ERICH1: variants seen among roughly 807,000 people sequenced by gnomAD.
The protein encoded by ERICH1 is glutamate-rich protein 1.
Under a neutral mutation model 39.6 loss-of-function variants are expected in ERICH1, and 56 were observed. That is an observed-to-expected ratio of 1.41 (90% CI 1.14 to 1.77). ERICH1 has a LOEUF of 1.77. ERICH1 is among the 40% of genes most tolerant of loss of function. ERICH1 has a pLI of 0.00. For missense variants in ERICH1, 826 were observed against 575.4 expected (o/e 1.44, Z -4.45); for synonymous variants, 313 against 223.6 (o/e 1.40, Z -3.57).
chr8:688,278 C>CCCGCCCCTCCCCGGCCCTTCCG (rs1808015010), intron 3 of ERICH1, among the ~76,000 whole-genome samples: 1 of 131,150 alleles, frequency 7.6e-6, no homozygotes, highest in African/African-American at 3.2e-5. Flanking sequence ...TCCGCCCGTC[C>CCCGCCCCTCCCCGGCCCTTCCG]CCGCCCCGCC....
At chr8:655,764 C>A (rs117492005) in intron 3 of ERICH1, among the ~76,000 whole-genome samples, 2 of 143,668 alleles carry the variant, frequency 1.4e-5, no homozygotes, top group Non-Finnish European at 3.1e-5. Flanking sequence ...CAGTCACACA[C>A]GGTAGACAGT....
At chr8:627,377 C>A in intron 3 of ERICH1, 1 of 364,664 alleles carries the variant, frequency 2.7e-6, no homozygotes, top group Non-Finnish European at 5.5e-6. Flanking sequence ...CTGCACCTCA[C>A]TGAGAGCCTC....
chr8:652,219 C>T (rs114408804), intron 3 of ERICH1, among the ~76,000 whole-genome samples: 1,584 of 152,362 alleles, frequency 0.01, 23 homozygotes, highest in African/African-American at 0.036. Context: ...GAAGACCTTA[C>T]TTCCGGTGGC....
rs185391998 is a variant in ERICH1 at position 645,478 on chromosome 8, C to T, written c.976+23120G>A. 5.1e-5 allele frequency among the ~76,000 whole-genome samples: 3 copies of T among 58,516 alleles called. 1 individual carries two copies. The East Asian group carries it at 1.1e-3, about 21-fold the overall frequency. 38.4% of individuals were successfully genotyped at this position (58,516 alleles called of 152,430 possible). The stretch of plus-strand genomic sequence containing the variant: ...AAGGTAAATCTCTTGAACTTTATGG[C>T]AGACAGTCGTGTTTTCCTTACTGTC... On this transcript the variant is annotated intron_variant, in intron 3 of 3. Transcript: ENST00000522706.
intron 3 of ERICH1, among the ~76,000 whole-genome samples, chr8:630,129 A>G (rs962266932): frequency 8.6e-5 from 9 of 104,894 alleles, no homozygotes; most frequent in East Asian, 4.7e-4. Flanking sequence ...ACCCACACAG[A>G]CAGAGCTGAC....
intron 3 of ERICH1, among the ~76,000 whole-genome samples, chr8:620,425 G>C (rs1180236703): frequency 1.3e-5 from 2 of 152,104 alleles, no homozygotes; most frequent in African/African-American, 2.4e-5. Context: ...TCAATCAAAA[G>C]GCAGAGATCA....
downstream of ERICH1, among the ~76,000 whole-genome samples, chr8:660,511 C>A (rs1212247686): frequency 6.6e-6 from 1 of 152,234 alleles, no homozygotes; most frequent in Non-Finnish European, 1.5e-5. Context: ...ACACGAACAG[C>A]ATTCTGCTGG....
chr8:717,822 A>G (rs1816369999), intron 1 of ERICH1, among the ~76,000 whole-genome samples: 1 of 152,268 alleles, frequency 6.6e-6, no homozygotes, highest in South Asian at 2.1e-4. Context: ...GGCCATGGTC[A>G]GAGCCAGGCA....
At chr8:637,902 G>C (rs891528975) in intron 3 of ERICH1, among the ~76,000 whole-genome samples, 1 of 152,256 alleles carries the variant, frequency 6.6e-6, no homozygotes, top group Admixed American at 6.5e-5. Flanking sequence ...GGCCACTGCA[G>C]GCAGCCGAAC....
chr8:650,222 G>T (rs947522142), intron 3 of ERICH1, among the ~76,000 whole-genome samples: 2 of 152,196 alleles, frequency 1.3e-5, no homozygotes, highest in African/African-American at 4.8e-5. Context: ...CCGTGCTGGC[G>T]ATGAGGACGC....
In ERICH1 at chr8:668,931, A is replaced by G. The variant is rs1274113865; in HGVS notation, c.1064-139T>C. ...CATATCTGGGAGATGAGAAGCTACC[A>G]GAAGAGAGAATCAGAACAGAGCTCA... On this transcript the variant is annotated intron_variant, in intron 4 of 5. Coordinates refer to ENST00000262109, the MANE Select transcript of ERICH1 (RefSeq NM_207332.3). 5 of 763,244 alleles carry G rather than the reference A, an allele frequency of 6.6e-6. No homozygotes were observed. The East Asian group carries it at 8.1e-5, about 12-fold the overall frequency. The allele number at this position is 763,244 out of a possible 1,614,324, so 47.3% of individuals were successfully genotyped here. A position where few individuals can be genotyped will look rare whatever the true frequency, so the allele number is the denominator to read the frequency against.
At chr8:634,146 T>C (rs1798231188) in intron 3 of ERICH1, among the ~76,000 whole-genome samples, 1 of 89,780 alleles carries the variant, frequency 1.1e-5, no homozygotes, top group Non-Finnish European at 2.1e-5. Flanking sequence ...AAAACCAGAA[T>C]CTATAGAGAA....
At position 710,830 on chromosome 8, in the gene ERICH1, A is replaced by G. The variant is rs971234380; in HGVS notation, c.169+5031T>C. Among the ~76,000 whole-genome samples, 25 of 152,244 alleles carry G rather than the reference A, an allele frequency of 1.6e-4. 1 individual carries two copies. The highest frequency in any genetic ancestry group is 1.6e-3 in the Admixed American group (25 of 15,286). On this transcript the variant is annotated intron_variant, in intron 2 of 5. Transcript: ENST00000262109. ...TTCGGCAGTTATGAATAAAGCTGCT[A>G]TAAACATCCATGTGCAGGTTTATTG...
intron 3 of ERICH1, among the ~76,000 whole-genome samples, chr8:623,410 A>G (rs1163382938): frequency 2.6e-5 from 4 of 152,246 alleles, no homozygotes; most frequent in African/African-American, 9.6e-5. Flanking sequence ...GCTTATGTTT[A>G]TGGTCAATTG....
intron 2 of ERICH1, among the ~76,000 whole-genome samples, chr8:708,683 T>TTTTTTTTTGTG (rs1813934741): frequency 1.4e-4 from 6 of 42,462 alleles, no homozygotes; most frequent in Non-Finnish European, 2.6e-4. Flanking sequence ...GATAATGAGT[T>TTTTTTTTTGTG]TTTTTTTTTT....
intron 3 of ERICH1, chr8:625,915 C>G (rs336429): frequency 6.6e-6 from 1 of 152,244 alleles, no homozygotes; most frequent in African/African-American, 2.4e-5. Flanking sequence ...ATTTAATAAA[C>G]TGGTCCAGAT....
At chr8:619,552 C>T (rs1016517199) in intron 3 of ERICH1, among the ~76,000 whole-genome samples, 10 of 151,958 alleles carry the variant, frequency 6.6e-5, no homozygotes, top group African/African-American at 1.5e-4. Flanking sequence ...CAGTATCCAC[C>T]GGGGGAAGAA....
intron 3 of ERICH1, among the ~76,000 whole-genome samples, chr8:651,483 T>G (rs561025164): frequency 6.6e-5 from 10 of 152,266 alleles, no homozygotes; most frequent in Admixed American, 3.9e-4. Flanking sequence ...CCCTTGGCAA[T>G]GGGGCAGGTG....
intron 2 of ERICH1, among the ~76,000 whole-genome samples, chr8:713,968 G>A (rs1815356986): frequency 6.8e-6 from 1 of 145,996 alleles, no homozygotes; most frequent in Non-Finnish European, 1.5e-5. Flanking sequence ...GCCTCTTCTG[G>A]CATCTCTCAG....
Sources: gnomAD v4.1 joint callset for allele counts (sites outside exome capture counted in the v4.1 genomes callset) on GRCh38, gnomAD v4.1.1 for gene constraint, MANE v1.5 for transcripts, NCBI Gene and HGNC (gene_info 2026-07-23, HGNC 2026-07-21) for gene names.